The following NBEA variants were observed in gnomAD, a reference collection of about 807,000 sequenced individuals.
NBEA encodes the protein lysosomal-trafficking regulator 2.
In NBEA, 44 loss-of-function variants were observed where a neutral mutation model predicts 343.4. That is an observed-to-expected ratio of 0.13 (90% confidence interval 0.10 to 0.16). The LOEUF is 0.16. NBEA is among the 10% of genes least tolerant of loss of function. The probability of loss-of-function intolerance (pLI) is 1.00; values close to 1 mark genes in which losing one functional copy is unlikely to be tolerated. For synonymous variants in NBEA, 1,175 were observed against 1,238.7 expected (o/e 0.95, Z 1.08); for missense variants, 2,555 against 3,631.3 (o/e 0.70, Z 7.62).
At chr13:35,598,358 A>T (rs1020058407) in intron 47 of NBEA, among the ~76,000 whole-genome samples, 1 of 152,186 alleles carries the variant, frequency 6.6e-6, no homozygotes, top group Non-Finnish European at 1.5e-5. Context: ...CAGGTCTGTT[A>T]TCTGGGCTTG....
chr13:35,074,019 A>T (rs2152580071), intron 10 of NBEA, among the ~76,000 whole-genome samples: 1 of 152,242 alleles, frequency 6.6e-6, no homozygotes, highest in East Asian at 1.9e-4. Flanking sequence ...TTGCTGGATA[A>T]TTTTTGTGAC....
At chr13:35,651,989 A>T in intron 53 of NBEA, 113 bp downstream of exon 53, 1 of 670,204 alleles carries the variant, frequency 1.5e-6, no homozygotes, top group Non-Finnish European at 2.6e-6. Flanking sequence ...TTAAAATGCT[A>T]ATAATATCAA....
At chr13:35,483,911 T>G (rs1282322260) in intron 41 of NBEA, among the ~76,000 whole-genome samples, 2 of 151,988 alleles carry the variant, frequency 1.3e-5, no homozygotes, top group Non-Finnish European at 2.9e-5. Context: ...TAGCAAAAGA[T>G]TGAATTGGCC....
At chr13:35,629,524 G>A (rs964808378) in intron 49 of NBEA, among the ~76,000 whole-genome samples, 3 of 152,094 alleles carry the variant, frequency 2.0e-5, no homozygotes, top group East Asian at 1.9e-4. Context: ...CGTTGCAAGC[G>A]TATTATTAGG....
At chr13:35,360,481 A>G (rs540426707) in intron 38 of NBEA, among the ~76,000 whole-genome samples, 35 of 152,054 alleles carry the variant, frequency 2.3e-4, no homozygotes, top group Non-Finnish European at 4.6e-4. Context: ...AAACTACTCA[A>G]TATACAAAGG....
intron 31 of NBEA, among the ~76,000 whole-genome samples, chr13:35,200,591 C>T (rs993186092): frequency 6.6e-6 from 1 of 151,856 alleles, no homozygotes; most frequent in Non-Finnish European, 1.5e-5. Context: ...TAACAGACCT[C>T]AAACTTACAC....
chr13:34,983,647 A>ATCT (rs1452543075), intron 1 of NBEA, among the ~76,000 whole-genome samples: 14 of 152,174 alleles, frequency 9.2e-5, no homozygotes, highest in African/African-American at 3.4e-4. Flanking sequence ...AACAGTGTAA[A>ATCT]ATTATTCCTA....
chr13:35,352,196 G>T lies in NBEA; in HGVS notation c.6052G>T (p.Glu2018Ter). 6.5e-7 allele frequency: 1 copy of T among 1,532,550 alleles called. No homozygotes were observed. The highest frequency in any genetic ancestry group is 8.8e-7 in the Non-Finnish European group (1 of 1,134,210). The allele number at this position is 1,532,550 out of a possible 1,614,324, so 94.9% of individuals were successfully genotyped here. ...AQYAADRREE[E>*]KMCDHLISAA... is the part of the protein sequence containing the mutation. ...ATATGCTGCTGATAGAAGAGAGGAA[G>T]AAAAGATGTGTGACCATCTTATCAG... Residue 2018 changes from glutamate to a stop codon, truncating the protein, a stop_gained, in exon 38 of 59, where the codon GAA becomes TAA. Coordinates refer to ENST00000379939, the MANE Select transcript of NBEA (RefSeq NM_001385012.1). LOFTEE classifies it high-confidence loss of function.
chr13:34,951,539 T>A (rs573935412), intron 1 of NBEA, among the ~76,000 whole-genome samples: 120 of 152,338 alleles, frequency 7.9e-4, no homozygotes, highest in Non-Finnish European at 2.4e-4. Flanking sequence ...CTGAGCCTAG[T>A]GACCTGTCAG....
chr13:35,617,420 T>C (rs1320825700), intron 48 of NBEA, among the ~76,000 whole-genome samples: 1 of 152,184 alleles, frequency 6.6e-6, no homozygotes, highest in African/African-American at 2.4e-5. Context: ...AAAGTGCTTA[T>C]TGTTTCTGTG....
rs112598514 is a variant in NBEA, at chr13:35,127,071, T to C, written c.2336+3497T>C. On this transcript the variant is annotated intron_variant, in intron 17 of 58. Transcript: ENST00000379939. The stretch of plus-strand genomic sequence containing the variant: ...TGCCATTTTTATTTAGAGGACATAT[T>C]GTTTGCCAGGGAAAACTGACCTAGA... Among the ~76,000 whole-genome samples, 982 of 152,250 alleles carry C rather than the reference T, an allele frequency of 6.4e-3. 11 individuals carry two copies. Among genetic ancestry groups the C allele is most frequent in the African/African-American group, 0.023 (941 of 41,556 alleles).
intron 38 of NBEA, among the ~76,000 whole-genome samples, chr13:35,387,696 T>C (rs17052189): frequency 0.016 from 2,504 of 152,176 alleles, 72 homozygotes; most frequent in African/African-American, 0.058. Flanking sequence ...TGAAAAGGTA[T>C]TGATTGTGAA....
intron 49 of NBEA, among the ~76,000 whole-genome samples, chr13:35,645,024 T>C (rs1379388748): frequency 6.6e-6 from 1 of 152,254 alleles, no homozygotes; most frequent in East Asian, 1.9e-4. Context: ...CATTCATATT[T>C]AATATTGCTA....
chr13:35,009,804 T>C (rs1275882366), intron 1 of NBEA, among the ~76,000 whole-genome samples: 1 of 152,178 alleles, frequency 6.6e-6, no homozygotes, highest in Non-Finnish European at 1.5e-5. Flanking sequence ...AGGAATACTC[T>C]TTTAGATCAG....
At chr13:34,947,719 C>T (rs374490679) in intron 1 of NBEA, among the ~76,000 whole-genome samples, 150 of 152,102 alleles carry the variant, frequency 9.9e-4, no homozygotes, top group African/African-American at 3.4e-3. Flanking sequence ...AAGTTAAGTG[C>T]GTTTGTAGTG....
chr13:35,440,411 A>G (rs2045675358), intron 39 of NBEA, among the ~76,000 whole-genome samples: 1 of 152,212 alleles, frequency 6.6e-6, no homozygotes, highest in African/African-American at 2.4e-5. Context: ...TGATTATAAT[A>G]TACAATTGTA....
chr13:35,243,478 G>A (rs2030674487), intron 34 of NBEA, among the ~76,000 whole-genome samples: 2 of 151,804 alleles, frequency 1.3e-5, no homozygotes, highest in Admixed American at 1.3e-4. Context: ...TAGCTGAATG[G>A]ATAAAAAATC....
chr13:35,018,249 T>C (rs977648427), intron 1 of NBEA, among the ~76,000 whole-genome samples: 1 of 152,120 alleles, frequency 6.6e-6, no homozygotes, highest in African/African-American at 2.4e-5. Context: ...TGAATTTCCA[T>C]ATACGTTTTG....
At chr13:35,339,066 C>T (rs927790932) in intron 36 of NBEA, among the ~76,000 whole-genome samples, 1 of 152,092 alleles carries the variant, frequency 6.6e-6, no homozygotes, top group African/African-American at 2.4e-5. Context: ...TTATGAAAGA[C>T]TGAATGTATT....
Sources: gnomAD v4.1 joint callset for allele counts (sites outside exome capture counted in the v4.1 genomes callset) on GRCh38, gnomAD v4.1.1 for gene constraint, MANE v1.5 for transcripts, NCBI Gene and HGNC (gene_info 2026-07-23, HGNC 2026-07-21) for gene names.